Variants in ARAP1 observed in about 807,000 individuals in gnomAD.
ARAP1 encodes ArfGAP with RhoGAP domain, ankyrin repeat and PH domain 1.
A neutral mutation model predicts 172.2 loss-of-function variants in ARAP1; 76 were observed. The ratio of observed to expected loss-of-function variants is 0.44; its 90% CI spans 0.37 to 0.53. ARAP1 has a LOEUF of 0.53. Among genes scored for constraint, ARAP1 ranks in the 20% least tolerant of loss-of-function variants. The probability of loss-of-function intolerance (pLI) is 0.00; values close to 1 mark genes in which losing one functional copy is unlikely to be tolerated. For synonymous variants in ARAP1, 804 were observed against 803.3 expected (o/e 1.00, Z -0.01); for missense variants, 1,686 against 1,977.5 (o/e 0.85, Z 2.80).
chr11:72,709,472 G>A (rs562473054), intron 11 of ARAP1, among the ~76,000 whole-genome samples: 1 of 152,312 alleles, frequency 6.6e-6, no homozygotes, highest in East Asian at 1.9e-4. Flanking sequence ...AACAGCTGAG[G>A]TCAGAGGAAA....
chr11:72,745,229 C>T (rs1858322385), intron 1 of ARAP1, among the ~76,000 whole-genome samples: 2 of 144,566 alleles, frequency 1.4e-5, no homozygotes, highest in African/African-American at 5.2e-5. Context: ...CGCTCTGTCG[C>T]CCAGGCTGGA....
chr11:72,710,305 G>T lies in ARAP1; in HGVS notation c.1416+80C>A. ...GTGCAGGAAAAGAGGGAACAGAAAA[G>T]GCAGGGCTAAGGCCCTAGGTCAGCC... On this transcript the variant is annotated intron_variant, in intron 10 of 34. Coordinates refer to ENST00000393609, the MANE Select transcript of ARAP1 (RefSeq NM_001040118.3). The surrounding 1 kb of genome is among the most constrained non-coding windows in gnomAD (Gnocchi z 4.3). 1 of 1,528,444 alleles carries T rather than the reference G, an allele frequency of 6.5e-7. No homozygotes were observed. The highest frequency in any genetic ancestry group is 9.0e-7 in the Non-Finnish European group (1 of 1,111,114). 94.7% of individuals were successfully genotyped at this position (1,528,444 alleles called of 1,614,324 possible). A position where few individuals can be genotyped will look rare whatever the true frequency, so the allele number is the denominator to read the frequency against.
Position 72,696,604 on chromosome 11 carries a change from G to C in ARAP1, c.3217C>G (p.Arg1073Gly). 6.2e-7 allele frequency: 1 copy of C among 1,605,304 alleles called. No individual in the cohort carries two copies. Residue 1073 changes from arginine (R) to glycine (G), a missense_variant, in exon 23 of 35, where the codon CGG becomes GGG. Physicochemically the swap from Arg to Gly is moderately radical, Grantham distance 125 (BLOSUM62 -2). Coordinates refer to ENST00000393609, the MANE Select transcript of ARAP1 (RefSeq NM_001040118.3). ...KVSRYRELLV[R>G]LPPVNRATVK... is the part of the protein sequence containing the mutation. The stretch of plus-strand genomic sequence containing the variant: ...GTGGCCCGGTTGACAGGGGGCAGCC[G>C]CACCAGCAGCTCTCGGTACCTGGAG...
intron 3 of ARAP1, among the ~76,000 whole-genome samples, chr11:72,721,185 G>A (rs1288887427): frequency 6.6e-6 from 1 of 152,192 alleles, no homozygotes; most frequent in Admixed American, 6.5e-5. Flanking sequence ...GGGTGGACAG[G>A]ACTTGGTTAG....
chr11:72,695,973 C>G lies in ARAP1; in HGVS notation c.3273-108G>C. 1 of 1,347,166 alleles carries G rather than the reference C, an allele frequency of 7.4e-7. No individual in the cohort carries two copies. The highest frequency in any genetic ancestry group is 2.6e-5 in the Admixed American group (1 of 38,346). 83.5% of individuals were successfully genotyped at this position (1,347,166 alleles called of 1,614,324 possible). A position where few individuals can be genotyped will look rare whatever the true frequency, so the allele number is the denominator to read the frequency against. On this transcript the variant is annotated intron_variant, in intron 23 of 34. Coordinates refer to ENST00000393609, the MANE Select transcript of ARAP1 (RefSeq NM_001040118.3). This position sits in a 1 kb window ranked among gnomAD's most constrained non-coding sequence, Gnocchi z 4.4. ...AGACTGGTCTGGTCAGAGGGGACCA[C>G]TGTTTAACAGGGTAGGAACAGTTTT...
At chr11:72,686,608 A>G (rs1419135999) in intron 33 of ARAP1, among the ~76,000 whole-genome samples, 9 of 152,128 alleles carry the variant, frequency 5.9e-5, no homozygotes. Context: ...TTCCCTAAAC[A>G]CATATGAGCT....
At chr11:72,733,445 ACCCCAGGGCCCTGC>A (rs1021917966) in intron 1 of ARAP1, among the ~76,000 whole-genome samples, 68 of 152,156 alleles carry the variant, frequency 4.5e-4, no homozygotes, top group African/African-American at 1.5e-3. Context: ...GGGGCATGAG[ACCCCAGGGCCCTGC>A]CCCTAAATAT....
At chr11:72,689,291 G>T (rs1466930774) in intron 30 of ARAP1, among the ~76,000 whole-genome samples, 1 of 152,174 alleles carries the variant, frequency 6.6e-6, no homozygotes, top group Non-Finnish European at 1.5e-5. Context: ...AGAGGGATGG[G>T]GGCAATGACC....
chr11:72,735,057 C>T (rs911605464), intron 1 of ARAP1, among the ~76,000 whole-genome samples: 2 of 151,990 alleles, frequency 1.3e-5, no homozygotes, highest in Non-Finnish European at 2.9e-5. Context: ...CTCTGCTCAC[C>T]GCAACCTCTG....
intron 11 of ARAP1, 58 bp from the exon 12 acceptor site, chr11:72,707,432 G>C (rs1856821198): frequency 1.3e-6 from 2 of 1,485,800 alleles, no homozygotes; most frequent in Non-Finnish European, 1.8e-6. Context: ...TTTGGGGGCA[G>C]CATGAGGATG....
At chr11:72,721,813 CCAACAGCAA>C (rs1857522693) in intron 3 of ARAP1, 2 of 985,936 alleles carry the variant, frequency 2.0e-6, no homozygotes, top group Admixed American at 6.1e-5. Flanking sequence ...TCCTACGTGC[CCAACAGCAA>C]CAACAGCAAC....
chr11:72,747,774 G>T (rs1198267713), intron 1 of ARAP1, among the ~76,000 whole-genome samples: 1 of 152,232 alleles, frequency 6.6e-6, no homozygotes, highest in Non-Finnish European at 1.5e-5. Flanking sequence ...CAGGGCCAGG[G>T]CCACGGGGGC....
chr11:72,720,667 G>A (rs530921289), intron 3 of ARAP1, among the ~76,000 whole-genome samples: 4 of 152,244 alleles, frequency 2.6e-5, no homozygotes, highest in South Asian at 2.1e-4. Flanking sequence ...CCTCACAACC[G>A]CGCCTTCACC....
At chr11:72,697,277 G>T (rs754013007) in intron 21 of ARAP1, 46 bp downstream of exon 21, 1 of 1,583,454 alleles carries the variant, frequency 6.3e-7, no homozygotes, top group Non-Finnish European at 8.6e-7. Flanking sequence ...GGCGGGAGGC[G>T]GCTCTCCGGG....
At chr11:72,743,721 C>T (rs1047062394) in intron 1 of ARAP1, among the ~76,000 whole-genome samples, 1 of 152,138 alleles carries the variant, frequency 6.6e-6, no homozygotes, top group Non-Finnish European at 1.5e-5. Context: ...CCTGCTGGAC[C>T]GGCCCCTTAA....
At chr11:72,729,109 T>C (rs1180735672) in intron 2 of ARAP1, among the ~76,000 whole-genome samples, 1 of 152,010 alleles carries the variant, frequency 6.6e-6, no homozygotes, top group African/African-American at 2.4e-5. Context: ...AACAGAAAGT[T>C]CAAAAGTAGA....
chr11:72,706,353 T>C (rs1288997715), intron 12 of ARAP1, among the ~76,000 whole-genome samples: 1 of 151,926 alleles, frequency 6.6e-6, no homozygotes, highest in Non-Finnish European at 1.5e-5. Context: ...AGCTGGCATG[T>C]CACCTCCTCA....
intron 19 of ARAP1, 43 bp downstream of exon 19, chr11:72,697,868 T>A (rs1856285854): frequency 6.6e-7 from 1 of 1,521,898 alleles, no homozygotes; most frequent in Non-Finnish European, 8.8e-7. Context: ...GAGCCCAGGA[T>A]AGGGTGCCCT....
At chr11:72,717,321 G>A (rs1857322326) in intron 3 of ARAP1, among the ~76,000 whole-genome samples, 2 of 152,306 alleles carry the variant, frequency 1.3e-5, no homozygotes, top group East Asian at 3.9e-4. Context: ...TCAGGCCAGG[G>A]CCAGTCAGAC....
Sources: gnomAD v4.1 joint callset for allele counts (sites outside exome capture counted in the v4.1 genomes callset) on GRCh38, gnomAD v4.1.1 for gene constraint, Gnocchi (gnomAD v3.1) non-coding constraint, MANE v1.5 for transcripts, NCBI Gene and HGNC (gene_info 2026-07-23, HGNC 2026-07-21) for gene names.